Variants in ANKRD10 observed in about 807,000 individuals in gnomAD.
ANKRD10 encodes the protein ankyrin repeat domain-containing protein 10.
A neutral mutation model predicts 27.0 loss-of-function variants in ANKRD10; 14 were observed. The ratio of observed to expected loss-of-function variants is 0.52; its 90% CI spans 0.34 to 0.81. The LOEUF is 0.81. Ranked by LOEUF, ANKRD10 falls within the 40% of genes least tolerant of loss-of-function variation. The pLI, the probability that ANKRD10 is intolerant of heterozygous loss-of-function variation, is 0.01. For synonymous variants in ANKRD10, 250 were observed against 224.5 expected (o/e 1.11, Z -1.01); for missense variants, 493 against 544.0 (o/e 0.91, Z 0.93).
intron 3 of ANKRD10, among the ~76,000 whole-genome samples, chr13:110,904,619 T>G (rs192148510): frequency 2.3e-4 from 35 of 152,270 alleles, no homozygotes; most frequent in African/African-American, 8.2e-4. Flanking sequence ...TTATAAAAAT[T>G]AGAGTTTTAA....
Position 110,883,697 on chromosome 13 carries a change from C to T in ANKRD10, c.787+1G>A. ...GCTAACAGGAAACTGTCCACTCCCA[C>T]CTGTTACAACAGCAAACTCCCTATC... On this transcript the variant is annotated splice_donor_variant, in intron 5 of 5. Coordinates refer to ENST00000267339, the MANE Select transcript of ANKRD10 (RefSeq NM_017664.4). LOFTEE classifies it high-confidence loss of function. 1 of 1,614,012 alleles carries T rather than the reference C, an allele frequency of 6.2e-7. No individual in the cohort carries two copies. Among genetic ancestry groups the T allele is most frequent in the Non-Finnish European group, 8.5e-7 (1 of 1,179,924 alleles).
At chr13:110,883,436 T>G (rs963240806) in intron 5 of ANKRD10, 1 of 1,042,876 alleles carries the variant, frequency 9.6e-7, no homozygotes, top group Admixed American at 4.2e-5. Context: ...AAAACACTTC[T>G]TGTATCTACA....
rs1205731050 is a variant in ANKRD10, at chr13:110,910,758, C to G, written c.223G>C (p.Val75Leu). 2 of 1,613,562 alleles carry G rather than the reference C, an allele frequency of 1.2e-6. No individual in the cohort carries two copies. The highest frequency in any genetic ancestry group is 1.7e-6 in the Non-Finnish European group (2 of 1,179,854). The change falls in exon 2 of 6, where the codon GTG becomes CTG. Residue 75 changes from valine (V) to leucine (L), a missense_variant. Transcript: ENST00000267339. ...GTGGCTCCCGCTCTCACCAACTGCA[C>G]TAAGCACTCCAACTTCGAAAACAAG... is the stretch of plus-strand genomic sequence containing the variant. ...AAHFGKLECL[V>L]QLVRAGATLN...
intron 2 of ANKRD10, 96 bp from the exon 3 acceptor site, chr13:110,906,220 C>A (rs1400091897): frequency 1.1e-5 from 10 of 935,120 alleles, no homozygotes; most frequent in Middle Eastern, 2.2e-4. Context: ...ACCTTCTCAT[C>A]CTTTTTTGAA....
chr13:110,886,267 G>A (rs1360396970), intron 4 of ANKRD10, among the ~76,000 whole-genome samples: 1 of 152,196 alleles, frequency 6.6e-6, no homozygotes, highest in African/African-American at 2.4e-5. Flanking sequence ...AGTGACCAGG[G>A]ACCTCTCAGA....
At chr13:110,889,296 C>T (rs940527099) in intron 4 of ANKRD10, among the ~76,000 whole-genome samples, 5 of 151,064 alleles carry the variant, frequency 3.3e-5, no homozygotes, top group Admixed American at 2.7e-4. Context: ...AAGACTGATA[C>T]TTCCTTGCAC....
Position 110,878,926 on chromosome 13 carries a change from A to G in ANKRD10, c.*711T>C, listed in dbSNP as rs932473464. The G allele has an allele frequency of 6.6e-6, 1 of 152,338 alleles. No individual in the cohort carries two copies. Among genetic ancestry groups the G allele is most frequent in the African/African-American group, 2.4e-5 (1 of 41,474 alleles). 9.4% of individuals were successfully genotyped at this position (152,338 alleles called of 1,614,324 possible). A position where few individuals can be genotyped will look rare whatever the true frequency, so the allele number is the denominator to read the frequency against. ...CTACAAATAGTGATTTCCACTACAT[A>G]TAAAGGAATCTGTTACATGTGGTAA... On this transcript the variant is annotated 3_prime_UTR_variant, in exon 6 of 6. Coordinates refer to ENST00000267339, the MANE Select transcript of ANKRD10 (RefSeq NM_017664.4).
intron 3 of ANKRD10, among the ~76,000 whole-genome samples, chr13:110,899,639 T>C (rs1164391530): frequency 6.6e-6 from 1 of 152,206 alleles, no homozygotes; most frequent in Non-Finnish European, 1.5e-5. Flanking sequence ...CAATGTACTG[T>C]GGAAACTACG....
intron 4 of ANKRD10, among the ~76,000 whole-genome samples, chr13:110,890,315 C>T (rs1272114016): frequency 6.6e-6 from 1 of 152,096 alleles, no homozygotes; most frequent in Non-Finnish European, 1.5e-5. Context: ...CCAAGAATGA[C>T]TCCCAATACC....
chr13:110,891,959 T>A (rs1348508206), intron 4 of ANKRD10, among the ~76,000 whole-genome samples: 1 of 148,694 alleles, frequency 6.7e-6, no homozygotes, highest in Non-Finnish European at 1.5e-5. Flanking sequence ...GTAATCCTCC[T>A]GCCTCAGCCT....
intron 1 of ANKRD10, 124 bp downstream of exon 1, chr13:110,914,601 G>C: frequency 1.4e-6 from 2 of 1,387,120 alleles, no homozygotes; most frequent in Non-Finnish European, 1.9e-6. Flanking sequence ...GGGCACAGGC[G>C]CCGTCGATCC....
intron 3 of ANKRD10, among the ~76,000 whole-genome samples, chr13:110,901,870 A>AT (rs1165747034): frequency 2.6e-5 from 4 of 152,038 alleles, no homozygotes; most frequent in African/African-American, 9.7e-5. Context: ...GCAAGACCCC[A>AT]TCTCTACTAA....
At chr13:110,888,376 C>T (rs554069761) in intron 4 of ANKRD10, among the ~76,000 whole-genome samples, 14 of 151,996 alleles carry the variant, frequency 9.2e-5, no homozygotes, top group African/African-American at 2.9e-4. Context: ...TATTTCAAGA[C>T]GTCACATCTT....
chr13:110,897,891 G>A (rs1357256667), intron 3 of ANKRD10, among the ~76,000 whole-genome samples: 4 of 152,160 alleles, frequency 2.6e-5, no homozygotes, highest in Admixed American at 2.6e-4. Context: ...TCATTCTAAC[G>A]GGGGTAAGAC....
At chr13:110,884,461 C>T (rs2064878725) in intron 4 of ANKRD10, among the ~76,000 whole-genome samples, 1 of 152,232 alleles carries the variant, frequency 6.6e-6, no homozygotes, top group Non-Finnish European at 1.5e-5. Context: ...TGAATCCTAG[C>T]AAGACTCACT....
Position 110,910,642 on chromosome 13 carries a change from T to A in ANKRD10, c.339A>T (p.Gln113His). 6.2e-7 allele frequency: 1 copy of A among 1,614,164 alleles called. No homozygotes were observed. Among genetic ancestry groups the A allele is most frequent in the East Asian group, 2.2e-5 (1 of 44,874 alleles). The change falls in exon 2 of 6, where the codon CAA (glutamine) becomes CAT (histidine). Residue 113 changes from glutamine (Q) to histidine (H), a missense_variant. By Grantham distance (24) the Gln-to-His change is conservative. Coordinates refer to ENST00000267339, the MANE Select transcript of ANKRD10 (RefSeq NM_017664.4). ...CCGGTTTGTTAATGTTGGCTCCTGC[T>A]TGAATCAGCCAGACCAGGCACTGAG... Reference protein sequence around the residue: ...GHPQCLVWLIQAGANINKPDC... With the variant: ...GHPQCLVWLIHAGANINKPDC...
intron 3 of ANKRD10, chr13:110,894,162 C>A (rs1215322086): frequency 1.9e-6 from 3 of 1,612,360 alleles, no homozygotes; most frequent in Non-Finnish European, 2.5e-6. Flanking sequence ...TGTTGAAGTT[C>A]CCCTGGAAGA....
rs540732271 is a variant in ANKRD10 at position 110,879,703 on chromosome 13, G to A, written c.1197C>T (p.Ser399=). The change falls in exon 6 of 6, where the codon TCC becomes TCT. Residue 399 remains serine, a synonymous_variant. Transcript: ENST00000267339. Reference sequence around the variant, plus strand: ...TGTCGTACCGCTCCTGCACCTTCACGGACTTGGAATGCTCGACCACACTGT... The same window carrying A: ...TGTCGTACCGCTCCTGCACCTTCACAGACTTGGAATGCTCGACCACACTGT... ...ELNSVVEHSK[S]VKVQERYDSA... is the part of the protein sequence containing the mutation. The A allele has an allele frequency of 1.2e-5, 20 of 1,614,168 alleles. No individual in the cohort carries two copies. In the Middle Eastern group the frequency reaches 8.3e-4, roughly 67 times the overall value.
chr13:110,890,346 T>C (rs1243426992), intron 4 of ANKRD10, among the ~76,000 whole-genome samples: 2 of 152,018 alleles, frequency 1.3e-5, no homozygotes, highest in African/African-American at 4.8e-5. Flanking sequence ...ACTCTCAGTA[T>C]GTAATGGTAA....
Sources: gnomAD v4.1 joint callset for allele counts (sites outside exome capture counted in the v4.1 genomes callset) on GRCh38, gnomAD v4.1.1 for gene constraint, MANE v1.5 for transcripts, NCBI Gene and HGNC (gene_info 2026-07-23, HGNC 2026-07-21) for gene names.